The following PTPN3 variants were observed in gnomAD, a reference collection of about 807,000 sequenced individuals.
The protein encoded by PTPN3 is tyrosine-protein phosphatase non-receptor type 3.
Under a neutral mutation model 132.7 loss-of-function variants are expected in PTPN3, and 96 were observed. The observed-to-expected ratio is 0.72, with a 90% CI of 0.61 to 0.86. PTPN3 has a LOEUF of 0.86. PTPN3 is among the 40% of genes least tolerant of loss of function. The pLI, the probability that PTPN3 is intolerant of heterozygous loss-of-function variation, is 0.00. For synonymous variants in PTPN3, 398 were observed against 429.0 expected, an observed-to-expected ratio of 0.93 and a Z score of 0.89; for missense variants, 1,125 against 1,159.6, an observed-to-expected ratio of 0.97 and a Z score of 0.43.
intron 6 of PTPN3, among the ~76,000 whole-genome samples, chr9:109,446,522 T>C (rs1844871952): frequency 1.3e-5 from 2 of 152,184 alleles, no homozygotes; most frequent in African/African-American, 4.8e-5. Flanking sequence ...TTTGTTCATC[T>C]GGAAATCTAG....
the PTPN3 span, among the ~76,000 whole-genome samples, chr9:109,533,126 A>ATTTT: frequency 0.043 from 1,580 of 36,508 alleles, 309 homozygotes; most frequent in East Asian, 0.1. Context: ...TACCTGGCTA[A>ATTTT]TTTTTTTTTT....
In PTPN3 at chr9:109,422,784, G is replaced by A. The variant is rs1182062128; in HGVS notation, c.1070C>T (p.Ser357Phe). The change falls in exon 13 of 26, where the codon TCC becomes TTC. Residue 357 changes from serine (S) to phenylalanine (F), a missense_variant. Coordinates refer to ENST00000374541, the MANE Select transcript of PTPN3 (RefSeq NM_002829.4). ...GMVWNPAMRR[S>F]LSVEHLETKS... ...GGTTTCTAAGTGCTCCACTGATAAG[G>A]ATCTCCGCATGGCTGGGTTCCACAC... 6.2e-7 allele frequency: 1 copy of A among 1,611,144 alleles called. No homozygotes were observed. The highest frequency in any genetic ancestry group is 8.5e-7 in the Non-Finnish European group (1 of 1,177,536).
At chr9:109,517,045 C>T in the PTPN3 span, among the ~76,000 whole-genome samples, 2 of 152,270 alleles carry the variant, frequency 1.3e-5, no homozygotes, top group South Asian at 2.1e-4. Context: ...CATAGGTATT[C>T]GGGTGTCATA....
chr9:109,388,191 G>C (rs1486087618), intron 22 of PTPN3, among the ~76,000 whole-genome samples: 1 of 152,212 alleles, frequency 6.6e-6, no homozygotes, highest in Non-Finnish European at 1.5e-5. Context: ...TCCTAATCTG[G>C]AAGAACTGGT....
intron 19 of PTPN3, among the ~76,000 whole-genome samples, chr9:109,402,370 C>T (rs569518949): frequency 3.9e-5 from 6 of 152,176 alleles, no homozygotes; most frequent in African/African-American, 1.4e-4. Flanking sequence ...CCTCCGCCTC[C>T]TGGGTTCAAG....
At chr9:109,476,087 A>G (rs2132087092) in intron 1 of PTPN3, among the ~76,000 whole-genome samples, 1 of 152,258 alleles carries the variant, frequency 6.6e-6, no homozygotes, top group East Asian at 1.9e-4. Context: ...TTCCAGCTTT[A>G]AAATCCTCTG....
chr9:109,522,702 C>T, the PTPN3 span, among the ~76,000 whole-genome samples: 1 of 152,126 alleles, frequency 6.6e-6, no homozygotes, highest in Non-Finnish European at 1.5e-5. Context: ...GAATGCCACT[C>T]ATAGGAAACC....
chr9:109,521,403 G>A, the PTPN3 span, among the ~76,000 whole-genome samples: 33 of 152,070 alleles, frequency 2.2e-4, no homozygotes, highest in South Asian at 5.2e-3. Context: ...TAGGTGATCC[G>A]CCCGCCTCAG....
chr9:109,426,865 G>A, intron 12 of PTPN3, 85 bp downstream of exon 12: 1 of 1,424,838 alleles, frequency 7.0e-7, no homozygotes, highest in East Asian at 2.3e-5. Flanking sequence ...TTCCTCCTCT[G>A]CCTAACAATG....
Position 109,448,838 on chromosome 9 carries a change from T to C in PTPN3, c.386A>G (p.Gln129Arg). The C allele has an allele frequency of 1.2e-6, 2 of 1,600,726 alleles. No individual in the cohort carries two copies. The highest frequency in any genetic ancestry group is 1.7e-6 in the Non-Finnish European group (2 of 1,176,722). ...QEQTRHLYFLQLKMDICEGRL... is the reference protein window; with the variant it reads ...QEQTRHLYFLRLKMDICEGRL... ...TCCTTCGCAAATATCCATCTTCAGT[T>C]GTAAGAAATACAAGTGCCTATGAAA... is the stretch of plus-strand genomic sequence containing the variant. The change falls in exon 6 of 26, where the codon CAA becomes CGA. Residue 129 changes from glutamine (Q) to arginine (R), a missense_variant. By Grantham distance (43) the Gln-to-Arg change is conservative (BLOSUM62 1). Coordinates refer to ENST00000374541, the MANE Select transcript of PTPN3 (RefSeq NM_002829.4).
chr9:109,443,458 G>A (rs1375710476), intron 7 of PTPN3, among the ~76,000 whole-genome samples: 5 of 151,996 alleles, frequency 3.3e-5, no homozygotes, highest in South Asian at 2.1e-4. Flanking sequence ...GGATCCTCCC[G>A]TCTCAGCCTC....
chr9:109,436,740 C>A, intron 9 of PTPN3, 143 bp downstream of exon 9: 1 of 1,267,492 alleles, frequency 7.9e-7, no homozygotes, highest in Non-Finnish European at 1.0e-6. Flanking sequence ...AAAAATTCAG[C>A]ATTACTTAAT....
chr9:109,537,349 G>T, the PTPN3 span, among the ~76,000 whole-genome samples: 2 of 152,144 alleles, frequency 1.3e-5, no homozygotes, highest in Non-Finnish European at 2.9e-5. Context: ...AAGATGTAGG[G>T]CATATTACTT....
chr9:109,389,019 G>A (rs1839829600), intron 22 of PTPN3, among the ~76,000 whole-genome samples: 1 of 152,186 alleles, frequency 6.6e-6, no homozygotes, highest in African/African-American at 2.4e-5. Flanking sequence ...AGTGCCTTCT[G>A]GCTTGTTGTA....
In PTPN3 at chr9:109,498,040, C is replaced by T. The variant is rs966678903; in HGVS notation, c.-18+179G>A. Reference sequence around the variant, plus strand: ...GCCCCGCCAGGTGAGCGCAGCGGGGCGCCCCCTCCCCGCCCCGACGTGGTG... The same window carrying T: ...GCCCCGCCAGGTGAGCGCAGCGGGGTGCCCCCTCCCCGCCCCGACGTGGTG... On this transcript the variant is annotated intron_variant, in intron 1 of 25. Coordinates refer to ENST00000374541, the MANE Select transcript of PTPN3 (RefSeq NM_002829.4). The surrounding 1 kb of genome is among the most constrained non-coding windows in gnomAD (Gnocchi z 4.2). 6.9e-6 allele frequency among the ~76,000 whole-genome samples: 1 copy of T among 144,728 alleles called. No homozygotes were observed. The highest frequency in any genetic ancestry group is 1.5e-5 in the Non-Finnish European group (1 of 65,208). The allele number at this position is 144,728 out of a possible 152,430, so 94.9% of individuals were successfully genotyped here.
intron 1 of PTPN3, among the ~76,000 whole-genome samples, chr9:109,466,683 G>A (rs1846115564): frequency 6.6e-6 from 1 of 152,184 alleles, no homozygotes; most frequent in African/African-American, 2.4e-5. Flanking sequence ...TGCTGCCAGG[G>A]TCCATTCTGG....
At chr9:109,523,772 C>A in the PTPN3 span, among the ~76,000 whole-genome samples, 3 of 55,442 alleles carry the variant, frequency 5.4e-5, no homozygotes, top group African/African-American at 2.3e-4. Flanking sequence ...TACACACATG[C>A]ACAGACAAAC....
chr9:109,466,439 C>A (rs1846105461), intron 1 of PTPN3, among the ~76,000 whole-genome samples: 1 of 152,050 alleles, frequency 6.6e-6, no homozygotes, highest in Non-Finnish European at 1.5e-5. Context: ...GGCATTAGAG[C>A]CCAGCCTGGG....
intron 6 of PTPN3, among the ~76,000 whole-genome samples, chr9:109,446,953 G>C (rs967694081): frequency 2.0e-5 from 3 of 152,138 alleles, no homozygotes; most frequent in African/African-American, 7.2e-5. Context: ...AACAAGTCGG[G>C]ACAATTTGAC....
Sources: gnomAD v4.1 joint callset for allele counts (sites outside exome capture counted in the v4.1 genomes callset) on GRCh38, gnomAD v4.1.1 for gene constraint, Gnocchi (gnomAD v3.1) non-coding constraint, MANE v1.5 for transcripts, NCBI Gene and HGNC (gene_info 2026-07-23, HGNC 2026-07-21) for gene names.